Variants in LRFN2 observed in about 807,000 individuals in gnomAD.
The protein encoded by LRFN2 is leucine-rich repeat and fibronectin type-III domain-containing protein 2.
LRFN2 carries 18 observed loss-of-function variants against 37.3 expected under a neutral mutation model. That is an observed-to-expected ratio of 0.48 (90% CI 0.33 to 0.72). The LOEUF (loss-of-function observed/expected upper bound fraction) is 0.72, where lower values mean the gene tolerates loss of function less well. Ranked by LOEUF, LRFN2 falls within the 30% of genes least tolerant of loss-of-function variation. The pLI is 0.02. For missense variants in LRFN2, 1,006 were observed against 1,060.7 expected (o/e 0.95, Z 0.72); for synonymous variants, 556 against 466.6 (o/e 1.19, Z -2.47).
chr6:40,469,890 C>A (rs754817749), intron 1 of LRFN2, among the ~76,000 whole-genome samples: 16 of 152,192 alleles, frequency 1.1e-4, no homozygotes, highest in Admixed American at 5.2e-4. Flanking sequence ...ACCCTGTAAA[C>A]CATCACTTTA....
chr6:40,578,380 G>A (rs962226569), intron 1 of LRFN2, among the ~76,000 whole-genome samples: 1 of 152,084 alleles, frequency 6.6e-6, no homozygotes. Flanking sequence ...GTGACCCCTC[G>A]CCTGAATGCA....
At chr6:40,491,719 C>T (rs112531518) in intron 1 of LRFN2, among the ~76,000 whole-genome samples, 13 of 106,414 alleles carry the variant, frequency 1.2e-4, no homozygotes, top group Non-Finnish European at 1.7e-4. Context: ...TCTATTTTGC[C>T]GTGTGACTGT....
At chr6:40,540,046 C>T (rs545112878) in intron 1 of LRFN2, among the ~76,000 whole-genome samples, 75 of 152,234 alleles carry the variant, frequency 4.9e-4, no homozygotes, top group Non-Finnish European at 7.5e-4. Context: ...GGAGTCACAG[C>T]CCTGGCGCCG....
intron 1 of LRFN2, among the ~76,000 whole-genome samples, chr6:40,517,951 C>T (rs755367796): frequency 2.0e-5 from 3 of 152,144 alleles, no homozygotes; most frequent in Non-Finnish European, 2.9e-5. Context: ...CCTCCTGCTC[C>T]CCACCCACTT....
chr6:40,442,380 G>T (rs1010184010), intron 1 of LRFN2, among the ~76,000 whole-genome samples: 6 of 152,176 alleles, frequency 3.9e-5, no homozygotes, highest in Admixed American at 2.0e-4. Context: ...AGGCTAGGAG[G>T]CTAGGTAGCA....
intron 1 of LRFN2, among the ~76,000 whole-genome samples, chr6:40,478,001 ATAAT>A (rs1430197571): frequency 3.9e-5 from 6 of 152,234 alleles, no homozygotes; most frequent in African/African-American, 1.4e-4. Flanking sequence ...CCTCCGTGTC[ATAAT>A]TAAAGAGACA....
chr6:40,455,438 TG>T (rs1444066105), intron 1 of LRFN2, among the ~76,000 whole-genome samples: 1 of 152,224 alleles, frequency 6.6e-6, no homozygotes, highest in East Asian at 1.9e-4. Flanking sequence ...GCATGAGATC[TG>T]GCTTCAAGAG....
chr6:40,576,906 C>G (rs1251551272), intron 1 of LRFN2, among the ~76,000 whole-genome samples: 1 of 151,846 alleles, frequency 6.6e-6, no homozygotes, highest in Non-Finnish European at 1.5e-5. Flanking sequence ...CCACACCAAC[C>G]CTCCATCATC....
intron 1 of LRFN2, among the ~76,000 whole-genome samples, chr6:40,448,728 T>C (rs1406915973): frequency 6.6e-6 from 1 of 152,226 alleles, no homozygotes; most frequent in South Asian, 2.1e-4. Flanking sequence ...CCTAATCGTT[T>C]CTCTTAATTC....
intron 2 of LRFN2, among the ~76,000 whole-genome samples, chr6:40,407,515 G>A (rs940226073): frequency 2.9e-4 from 44 of 152,200 alleles, no homozygotes; most frequent in African/African-American, 8.2e-4. Context: ...CCCTTCCTGG[G>A]TCATCTGGTA....
chr6:40,576,405 C>T (rs534012295), intron 1 of LRFN2, among the ~76,000 whole-genome samples: 2 of 152,112 alleles, frequency 1.3e-5, no homozygotes, highest in Admixed American at 6.6e-5. Flanking sequence ...GAAAGAGCAG[C>T]GAATCAATGT....
At chr6:40,482,906 T>C (rs560211528) in intron 1 of LRFN2, among the ~76,000 whole-genome samples, 1 of 152,188 alleles carries the variant, frequency 6.6e-6, no homozygotes, top group East Asian at 1.9e-4. Flanking sequence ...CGGACATGAC[T>C]AGGGCGCCTA....
At chr6:40,518,478 T>C (rs1436330511) in intron 1 of LRFN2, among the ~76,000 whole-genome samples, 1 of 152,160 alleles carries the variant, frequency 6.6e-6, no homozygotes, top group African/African-American at 2.4e-5. Flanking sequence ...CAGACCTGCA[T>C]GCTCACCTCC....
intron 1 of LRFN2, among the ~76,000 whole-genome samples, chr6:40,435,168 A>C (rs112500540): frequency 8.8e-5 from 13 of 148,380 alleles, no homozygotes; most frequent in African/African-American, 3.2e-4. Flanking sequence ...AGAGAGAGAG[A>C]GAGAGAGAGA....
intron 1 of LRFN2, among the ~76,000 whole-genome samples, chr6:40,565,099 A>T (rs1354942649): frequency 6.6e-6 from 1 of 152,214 alleles, no homozygotes; most frequent in African/African-American, 2.4e-5. Flanking sequence ...GGCAGGATGT[A>T]TAAGAGCCAG....
intron 2 of LRFN2, among the ~76,000 whole-genome samples, chr6:40,410,202 C>A (rs2113804484): frequency 6.6e-6 from 1 of 152,270 alleles, no homozygotes; most frequent in East Asian, 1.9e-4. Flanking sequence ...ATCCTCATGT[C>A]CAGGCTGGAG....
At chr6:40,579,023 G>A (rs997445454) in intron 1 of LRFN2, among the ~76,000 whole-genome samples, 2 of 152,134 alleles carry the variant, frequency 1.3e-5, no homozygotes, top group East Asian at 1.9e-4. Flanking sequence ...ACTTCCCAAG[G>A]ACAAGGACTG....
At chr6:40,562,835 TCACACA>T (rs773357501) in intron 1 of LRFN2, among the ~76,000 whole-genome samples, 37 of 125,630 alleles carry the variant, frequency 2.9e-4, no homozygotes, top group Non-Finnish European at 4.7e-4. Flanking sequence ...GTGCACTCAC[TCACACA>T]CACACACACA....
At chr6:40,478,469 T>A (rs530460197) in intron 1 of LRFN2, among the ~76,000 whole-genome samples, 1 of 152,158 alleles carries the variant, frequency 6.6e-6, no homozygotes, top group Non-Finnish European at 1.5e-5. Context: ...ATTATACACA[T>A]GGGGGAAACT....
Sources: allele counts gnomAD v4.1 joint callset (sites outside exome capture counted in the v4.1 genomes callset), GRCh38; gene constraint gnomAD v4.1.1; transcripts MANE v1.5; gene names NCBI Gene and HGNC (gene_info 2026-07-23, HGNC 2026-07-21).